Variants in BCKDHB observed in about 807,000 individuals in gnomAD.
The protein encoded by BCKDHB is branched chain keto acid dehydrogenase E1 subunit beta.
BCKDHB carries 41 observed loss-of-function variants against 48.5 expected under a neutral mutation model. The ratio of observed to expected loss-of-function variants is 0.85; its 90% CI spans 0.66 to 1.10. BCKDHB has a LOEUF of 1.10. BCKDHB is among the 50% of genes least tolerant of loss of function. The pLI is 0.00. For missense variants in BCKDHB, 496 were observed against 494.2 expected (o/e 1.00, Z -0.03); for synonymous variants, 201 against 174.8 (o/e 1.15, Z -1.18).
At chr6:80,411,174 T>G in the BCKDHB span, among the ~76,000 whole-genome samples, 6 of 152,204 alleles carry the variant, frequency 3.9e-5, no homozygotes, top group African/African-American at 1.4e-4. Flanking sequence ...GTCCTTTCTG[T>G]TTGTTAGTTT....
chr6:80,360,936 C>T, the BCKDHB span, among the ~76,000 whole-genome samples: 5 of 138,560 alleles, frequency 3.6e-5, no homozygotes, highest in East Asian at 6.4e-4. Flanking sequence ...ACCAGGGAGG[C>T]GGAGGTTGCA....
the BCKDHB span, among the ~76,000 whole-genome samples, chr6:80,372,823 T>C: frequency 3.3e-5 from 5 of 152,166 alleles, no homozygotes; most frequent in Non-Finnish European, 5.9e-5. Context: ...TGGATTCTCT[T>C]TTTGATTTGA....
intron 9 of BCKDHB, among the ~76,000 whole-genome samples, chr6:80,294,317 C>T (rs1395868377): frequency 1.3e-5 from 2 of 152,198 alleles, no homozygotes; most frequent in Non-Finnish European, 2.9e-5. Flanking sequence ...TACTTCACCT[C>T]AGGACCATGG....
At chr6:80,204,941 A>T (rs1774571995) in intron 8 of BCKDHB, among the ~76,000 whole-genome samples, 1 of 151,728 alleles carries the variant, frequency 6.6e-6, no homozygotes, top group Non-Finnish European at 1.5e-5. Flanking sequence ...GAAAGAGGAG[A>T]CAAGCGATCT....
intron 4 of BCKDHB, 86 bp from the exon 5 acceptor site, chr6:80,168,789 G>A: frequency 7.3e-7 from 1 of 1,363,660 alleles, no homozygotes; most frequent in East Asian, 2.3e-5. Context: ...AGGGAAGGAA[G>A]GAAGGGAGGG....
intron 6 of BCKDHB, among the ~76,000 whole-genome samples, chr6:80,186,201 G>T (rs1450995953): frequency 3.3e-5 from 5 of 152,294 alleles, no homozygotes; most frequent in South Asian, 4.1e-4. Flanking sequence ...ACCAGGGTGG[G>T]TAGTGAAAAA....
At chr6:80,307,037 C>T (rs536222658) in intron 9 of BCKDHB, among the ~76,000 whole-genome samples, 1 of 152,246 alleles carries the variant, frequency 6.6e-6, no homozygotes, top group Non-Finnish European at 1.5e-5. Flanking sequence ...GTCCTCAAGC[C>T]TCTCTCATCA....
chr6:80,268,216 A>G (rs866839964), intron 8 of BCKDHB, among the ~76,000 whole-genome samples: 16 of 152,140 alleles, frequency 1.1e-4, no homozygotes, highest in African/African-American at 3.6e-4. Flanking sequence ...CTACAAAACA[A>G]GAAAACGTCT....
At chr6:80,386,749 A>G in the BCKDHB span, among the ~76,000 whole-genome samples, 2 of 152,096 alleles carry the variant, frequency 1.3e-5, no homozygotes, top group African/African-American at 4.8e-5. Flanking sequence ...CTAGAAGTGA[A>G]ATTGATAGGA....
chr6:80,149,997 T>A (rs1771691277), intron 3 of BCKDHB, among the ~76,000 whole-genome samples: 1 of 151,594 alleles, frequency 6.6e-6, no homozygotes, highest in Non-Finnish European at 1.5e-5. Flanking sequence ...AAAAAAATAG[T>A]AAAGTCCAGT....
rs114689476 is a variant in BCKDHB at position 80,241,913 on chromosome 6, C to T, written c.952-31222C>T. Among the ~76,000 whole-genome samples the T allele has an allele frequency of 9.3e-3, 1,410 of 152,170 alleles. 29 individuals carry two copies. Among genetic ancestry groups the T allele is most frequent in the African/African-American group, 0.032 (1,341 of 41,516 alleles). On this transcript the variant is annotated intron_variant, in intron 8 of 9. Transcript: ENST00000320393. The stretch of plus-strand genomic sequence containing the variant: ...ACTTTTCTATTGGGGGAAAATTTTT[C>T]TTACTGATTTGTGGATTTCTTTTTA...
At chr6:80,217,741 A>G (rs868242303) in intron 8 of BCKDHB, among the ~76,000 whole-genome samples, 1 of 152,328 alleles carries the variant, frequency 6.6e-6, no homozygotes. Context: ...AATGGAGTAT[A>G]TACATTTCTG....
chr6:80,204,667 C>G (rs1053678603), intron 8 of BCKDHB, among the ~76,000 whole-genome samples: 2 of 148,926 alleles, frequency 1.3e-5, no homozygotes, highest in African/African-American at 5.2e-5. Flanking sequence ...ACGTATCTAT[C>G]TATATATATA....
chr6:80,450,563 T>A, the BCKDHB span, among the ~76,000 whole-genome samples: 8 of 152,136 alleles, frequency 5.3e-5, no homozygotes, highest in African/African-American at 1.9e-4. Context: ...ATAGATAAAC[T>A]AGAAATCTCA....
At chr6:80,156,122 A>T (rs1192588081) in intron 3 of BCKDHB, among the ~76,000 whole-genome samples, 1 of 152,006 alleles carries the variant, frequency 6.6e-6, no homozygotes, top group Admixed American at 6.6e-5. Flanking sequence ...CTCTGTGTCC[A>T]TGAATGTATT....
chr6:80,428,413 T>C, the BCKDHB span, among the ~76,000 whole-genome samples: 1 of 152,106 alleles, frequency 6.6e-6, no homozygotes, highest in East Asian at 1.9e-4. Flanking sequence ...GGTCAAATGG[T>C]ATTTCTAGTT....
upstream of BCKDHB, chr6:80,106,627 G>T: frequency 6.6e-7 from 1 of 1,512,776 alleles, no homozygotes; most frequent in Non-Finnish European, 8.9e-7. Context: ...AAGCCTCCTC[G>T]GGTGCTCCGC....
chr6:80,164,294 T>A (rs201299954), intron 3 of BCKDHB, among the ~76,000 whole-genome samples: 2 of 64,950 alleles, frequency 3.1e-5, no homozygotes, highest in East Asian at 2.0e-3. Context: ...CTTCCTCTGA[T>A]ATATTAAACA....
chr6:80,251,917 C>T (rs929030803), intron 8 of BCKDHB: 1 of 152,116 alleles, frequency 6.6e-6, no homozygotes, highest in African/African-American at 2.4e-5. Flanking sequence ...TTATCACATA[C>T]ATTTAAAAAC....
Sources: gnomAD v4.1 joint callset for allele counts (sites outside exome capture counted in the v4.1 genomes callset) on GRCh38, gnomAD v4.1.1 for gene constraint, MANE v1.5 for transcripts, NCBI Gene and HGNC (gene_info 2026-07-23, HGNC 2026-07-21) for gene names.